The following AGBL1 variants were observed in gnomAD, a reference collection of about 807,000 sequenced individuals.
AGBL1 encodes the protein cytosolic carboxypeptidase 4.
Under a neutral mutation model 118.9 loss-of-function variants are expected in AGBL1, and 130 were observed. The observed-to-expected ratio is 1.09, with a 90% CI of 0.95 to 1.26. The LOEUF (loss-of-function observed/expected upper bound fraction) is 1.26, where lower values mean the gene tolerates loss of function less well. Among genes scored for constraint, AGBL1 ranks in the 50% most tolerant of loss-of-function variants. The pLI is 0.00. For missense variants in AGBL1, 1,584 were observed against 1,298.1 expected, an observed-to-expected ratio of 1.22 and a Z score of -3.38; for synonymous variants, 555 against 478.9, an observed-to-expected ratio of 1.16 and a Z score of -2.08.
At chr15:86,228,666 G>C (rs2078405898) in intron 6 of AGBL1, among the ~76,000 whole-genome samples, 1 of 152,152 alleles carries the variant, frequency 6.6e-6, no homozygotes. Context: ...CAGAAAGCAA[G>C]GGAAAGATCA....
intron 21 of AGBL1, among the ~76,000 whole-genome samples, chr15:86,645,039 AAAAAC>A (rs1567100386): frequency 1.3e-5 from 2 of 151,998 alleles, no homozygotes; most frequent in African/African-American, 2.4e-5. Context: ...CAAACAAACA[AAAAAC>A]AAAAACAAAA....
intron 23 of AGBL1, chr15:86,935,301 C>T (rs1194300386): frequency 1.3e-5 from 2 of 152,152 alleles, no homozygotes; most frequent in African/African-American, 2.4e-5. Flanking sequence ...CTGTGAGTCA[C>T]CACACGGAGT....
At chr15:86,537,379 T>C (rs943441192) in intron 19 of AGBL1, among the ~76,000 whole-genome samples, 1 of 152,230 alleles carries the variant, frequency 6.6e-6, no homozygotes, top group Admixed American at 6.5e-5. Flanking sequence ...GGCAAAGGCC[T>C]CTCAGGCTGA....
chr15:86,827,398 CATATATATATGTGTATATATATAT>C (rs2079033361), intron 22 of AGBL1, among the ~76,000 whole-genome samples: 2 of 3,580 alleles, frequency 5.6e-4, no homozygotes, highest in African/African-American at 2.4e-3. Flanking sequence ...TATATATATA[CATATATATATGTGTATATATATAT>C]ATATATACAC....
At chr15:86,812,950 G>A (rs1383241927) in intron 22 of AGBL1, among the ~76,000 whole-genome samples, 1 of 151,910 alleles carries the variant, frequency 6.6e-6, no homozygotes, top group Non-Finnish European at 1.5e-5. Context: ...TCACTGGAAG[G>A]GAGCAGGAAA....
downstream of AGBL1, among the ~76,000 whole-genome samples, chr15:86,916,588 CAG>C (rs1322957975): frequency 9.2e-5 from 14 of 152,326 alleles, no homozygotes; most frequent in East Asian, 2.7e-3. Flanking sequence ...AACATTATAA[CAG>C]AAGTTGAGAG....
chr15:86,894,573 T>C (rs947170603), intron 22 of AGBL1, among the ~76,000 whole-genome samples: 1 of 152,140 alleles, frequency 6.6e-6, no homozygotes, highest in Non-Finnish European at 1.5e-5. Flanking sequence ...TGAGGCTGTT[T>C]ATGAGAATGG....
intron 5 of AGBL1, among the ~76,000 whole-genome samples, chr15:86,213,853 T>C (rs1354005930): frequency 6.6e-6 from 1 of 152,220 alleles, no homozygotes; most frequent in African/African-American, 2.4e-5. Flanking sequence ...ATTTCCACTA[T>C]CTACTGTCAA....
chr15:86,236,564 T>C (rs1219179234), intron 6 of AGBL1, among the ~76,000 whole-genome samples: 1 of 151,990 alleles, frequency 6.6e-6, no homozygotes, highest in Non-Finnish European at 1.5e-5. Context: ...GATTGCATAG[T>C]GTTACAGCTC....
chr15:86,830,617 G>T (rs1426975202), intron 22 of AGBL1, among the ~76,000 whole-genome samples: 1 of 152,234 alleles, frequency 6.6e-6, no homozygotes, highest in Non-Finnish European at 1.5e-5. Context: ...TACTGTCAGG[G>T]CCTAGTGTCT....
chr15:86,831,533 C>A (rs950716632), intron 22 of AGBL1, among the ~76,000 whole-genome samples: 1 of 152,138 alleles, frequency 6.6e-6, no homozygotes, highest in African/African-American at 2.4e-5. Context: ...TTCTGAAATC[C>A]GGAAGGCCAG....
chr15:86,350,256 G>A (rs2141899161), intron 17 of AGBL1, among the ~76,000 whole-genome samples: 1 of 152,306 alleles, frequency 6.6e-6, no homozygotes, highest in Non-Finnish European at 1.5e-5. Flanking sequence ...GGAAATATGA[G>A]GGAGGTGAAA....
chr15:86,308,671 A>G (rs910818538), intron 17 of AGBL1, among the ~76,000 whole-genome samples: 1 of 152,238 alleles, frequency 6.6e-6, no homozygotes, highest in Admixed American at 6.5e-5. Context: ...CAACATATAT[A>G]AGAGACTGTC....
intron 6 of AGBL1, among the ~76,000 whole-genome samples, chr15:86,236,412 C>T (rs890111358): frequency 4.0e-5 from 6 of 150,176 alleles, no homozygotes; most frequent in African/African-American, 1.5e-4. Flanking sequence ...ATGCATTGCA[C>T]AGAAGAAGAG....
chr15:86,103,716 C>G (rs543937671), intron 1 of AGBL1, among the ~76,000 whole-genome samples: 125 of 152,294 alleles, frequency 8.2e-4, no homozygotes, highest in African/African-American at 2.9e-3. Flanking sequence ...ACCAGACAGT[C>G]CAATCCTCAG....
chr15:86,675,319 C>G (rs1024514923), intron 22 of AGBL1, among the ~76,000 whole-genome samples: 5 of 152,106 alleles, frequency 3.3e-5, no homozygotes, highest in African/African-American at 1.2e-4. Context: ...AGCTAATTTT[C>G]TTGAATTTTC....
At chr15:86,164,451 A>T (rs2077309338) in intron 5 of AGBL1, among the ~76,000 whole-genome samples, 1 of 152,182 alleles carries the variant, frequency 6.6e-6, no homozygotes, top group African/African-American at 2.4e-5. Flanking sequence ...TTGTGACCTT[A>T]GGAAAGCTTG....
chr15:86,996,506 G>A (rs1305636993), intron 24 of AGBL1, among the ~76,000 whole-genome samples: 2 of 152,126 alleles, frequency 1.3e-5, no homozygotes, highest in Non-Finnish European at 2.9e-5. Flanking sequence ...TTCTCATGAG[G>A]TGGGAGGATA....
intron 24 of AGBL1, among the ~76,000 whole-genome samples, chr15:87,002,357 A>T (rs1304751602): frequency 6.6e-6 from 1 of 151,952 alleles, no homozygotes; most frequent in African/African-American, 2.4e-5. Flanking sequence ...TGGTACCAGT[A>T]CCATGCTGTT....
Sources: allele counts gnomAD v4.1 joint callset (sites outside exome capture counted in the v4.1 genomes callset), GRCh38; gene constraint gnomAD v4.1.1; transcripts MANE v1.5; gene names NCBI Gene and HGNC (gene_info 2026-07-23, HGNC 2026-07-21).